Variants in STX8 observed in about 807,000 individuals in gnomAD.
STX8 encodes syntaxin-8.
STX8 carries 23 observed loss-of-function variants against 37.5 expected under a neutral mutation model. That is an observed-to-expected ratio of 0.61 (90% confidence interval 0.44 to 0.87). The LOEUF (loss-of-function observed/expected upper bound fraction) is 0.87. Among genes scored for constraint, STX8 ranks in the 40% least tolerant of loss-of-function variants. The pLI, the probability that STX8 is intolerant of heterozygous loss-of-function variation, is 0.00. For synonymous variants in STX8, 115 were observed against 99.1 expected (o/e 1.16, Z -0.95); for missense variants, 313 against 284.7 (o/e 1.10, Z -0.71).
chr17:9,491,689 A>C, intron 6 of STX8, 140 bp downstream of exon 6: 1 of 689,880 alleles, frequency 1.4e-6, no homozygotes, highest in Non-Finnish European at 2.4e-6. Context: ...CACAACCCCC[A>C]CTCCAATGCG....
At chr17:9,323,990 T>C (rs1315903767) in intron 7 of STX8, among the ~76,000 whole-genome samples, 1 of 152,020 alleles carries the variant, frequency 6.6e-6, no homozygotes, top group South Asian at 2.1e-4. Context: ...TCGGTCCTAT[T>C]TGTGGATCTG....
At chr17:9,334,258 G>A (rs1317971940) in intron 7 of STX8, among the ~76,000 whole-genome samples, 1 of 152,102 alleles carries the variant, frequency 6.6e-6, no homozygotes, top group Non-Finnish European at 1.5e-5. Context: ...CTGACTGTAG[G>A]AGCAGTTTAG....
rs902904916 is a variant in STX8, at chr17:9,415,520, C to T, written c.542-36867G>A. Among the ~76,000 whole-genome samples the T allele has an allele frequency of 1.6e-4, 24 of 151,920 alleles. 1 individual carries two copies. The highest frequency in any genetic ancestry group is 6.6e-5 in the Admixed American group (1 of 15,244). ...GGTGCGGTGGCTCACTCCTGTAATC[C>T]CAGCACTTTGGGAGGCCGAGGCGGG... On this transcript the variant is annotated intron_variant, in intron 6 of 7. Coordinates refer to ENST00000306357, the MANE Select transcript of STX8 (RefSeq NM_004853.3).
chr17:9,535,166 T>C (rs960293069), intron 4 of STX8, among the ~76,000 whole-genome samples: 2 of 152,110 alleles, frequency 1.3e-5, no homozygotes, highest in African/African-American at 4.8e-5. Context: ...AGAATTTCTT[T>C]ATAACCTTGG....
intron 7 of STX8, among the ~76,000 whole-genome samples, chr17:9,328,879 A>G (rs763403249): frequency 7.9e-5 from 12 of 151,906 alleles, no homozygotes; most frequent in Non-Finnish European, 1.3e-4. Context: ...GTGCAACTCC[A>G]TCTCTACTAA....
chr17:9,320,665 G>A (rs560348801), intron 7 of STX8, among the ~76,000 whole-genome samples: 1 of 152,042 alleles, frequency 6.6e-6, no homozygotes, highest in East Asian at 1.9e-4. Context: ...TGCTAAAGTG[G>A]GTGGATCACC....
At chr17:9,306,625 C>T (rs1463635170) in intron 7 of STX8, among the ~76,000 whole-genome samples, 4 of 147,338 alleles carry the variant, frequency 2.7e-5, no homozygotes, top group East Asian at 2.0e-4. Context: ...AATAGCCATG[C>T]GTGGTGGTGC....
At chr17:9,359,501 ATATTTTTTTTTT>A (rs1468383771) in intron 7 of STX8, among the ~76,000 whole-genome samples, 3 of 111,644 alleles carry the variant, frequency 2.7e-5, no homozygotes, top group Non-Finnish European at 5.9e-5. Context: ...ATGCTGAGAC[ATATTTTTTTTTT>A]TTTTTTTTTT....
At chr17:9,505,310 C>G (rs1046956353) in intron 4 of STX8, 148 bp from the exon 5 acceptor site, 8 of 889,654 alleles carry the variant, frequency 9.0e-6, no homozygotes, top group African/African-American at 1.7e-5. Flanking sequence ...ATGCCAGGAA[C>G]TGTATTCAGT....
Position 9,264,265 on chromosome 17 carries a change from A to G in STX8, c.644-13620T>C, listed in dbSNP as rs1907149279. Among the ~76,000 whole-genome samples the G allele has an allele frequency of 1.3e-5, 2 of 152,220 alleles. 1 individual carries two copies. Among genetic ancestry groups the G allele is most frequent in the South Asian group, 4.1e-4 (2 of 4,832 alleles). On this transcript the variant is annotated intron_variant, in intron 7 of 7. Coordinates refer to ENST00000306357, the MANE Select transcript of STX8 (RefSeq NM_004853.3). The stretch of plus-strand genomic sequence containing the variant: ...AAATTCCTAACCCACAGAATTGTGA[A>G]GTGTAGCAAAACAATTGTTTTACAT...
intron 7 of STX8, among the ~76,000 whole-genome samples, chr17:9,298,818 C>CA (rs552806556): frequency 2.6e-5 from 4 of 152,116 alleles, no homozygotes; most frequent in Admixed American, 2.0e-4. Context: ...GTCTCAAAAA[C>CA]AAACAAAACA....
intron 6 of STX8, among the ~76,000 whole-genome samples, chr17:9,429,967 TATATA>T (rs1913856613): frequency 5.6e-4 from 1 of 1,784 alleles, no homozygotes; most frequent in African/African-American, 4.2e-3. Context: ...ATATATATAT[TATATA>T]TTATATAGAA....
chr17:9,423,517 C>T (rs534709371), intron 6 of STX8, among the ~76,000 whole-genome samples: 2 of 152,094 alleles, frequency 1.3e-5, no homozygotes, highest in East Asian at 1.9e-4. Flanking sequence ...GTAGAGATGG[C>T]GTTTCACCAT....
intron 4 of STX8, among the ~76,000 whole-genome samples, chr17:9,528,364 C>G (rs958909904): frequency 3.3e-5 from 5 of 152,204 alleles, no homozygotes; most frequent in Non-Finnish European, 7.3e-5. Context: ...GTGGCGCAAT[C>G]TTGGCTCACA....
At chr17:9,321,889 G>A (rs552285778) in intron 7 of STX8, among the ~76,000 whole-genome samples, 1 of 152,306 alleles carries the variant, frequency 6.6e-6, no homozygotes, top group Non-Finnish European at 1.5e-5. Flanking sequence ...CAAACTGATT[G>A]ACTCTGGAGA....
intron 7 of STX8, among the ~76,000 whole-genome samples, chr17:9,361,426 CAG>C (rs914895729): frequency 4.6e-5 from 7 of 152,168 alleles, no homozygotes; most frequent in African/African-American, 1.4e-4. Context: ...GTCACAAGGG[CAG>C]AGTCTCTGGA....
At chr17:9,493,740 T>C (rs1307863618) in intron 5 of STX8, among the ~76,000 whole-genome samples, 1 of 152,150 alleles carries the variant, frequency 6.6e-6, no homozygotes, top group East Asian at 1.9e-4. Flanking sequence ...TGACCTCTTG[T>C]TAGCTAATCC....
intron 7 of STX8, among the ~76,000 whole-genome samples, chr17:9,373,216 T>C (rs900102446): frequency 6.6e-6 from 1 of 151,904 alleles, no homozygotes; most frequent in Admixed American, 6.6e-5. Flanking sequence ...AATATGAAGG[T>C]TCCTCAAACA....
chr17:9,488,603 G>A (rs892874614), intron 6 of STX8, among the ~76,000 whole-genome samples: 6 of 152,190 alleles, frequency 3.9e-5, no homozygotes, highest in African/African-American at 1.2e-4. Context: ...TCAACCTACT[G>A]TTGTTGTCTT....
Sources: allele counts gnomAD v4.1 joint callset (sites outside exome capture counted in the v4.1 genomes callset), GRCh38; gene constraint gnomAD v4.1.1; transcripts MANE v1.5; gene names NCBI Gene and HGNC (gene_info 2026-07-23, HGNC 2026-07-21).